SYNE1: variants seen among roughly 807,000 people sequenced by gnomAD.
The protein encoded by SYNE1 is spectrin repeat containing nuclear envelope protein 1.
A neutral mutation model predicts 1,111.0 loss-of-function variants in SYNE1; 616 were observed. The ratio of observed to expected loss-of-function variants is 0.55; its 90% CI spans 0.52 to 0.59. SYNE1 has a LOEUF of 0.59. Among genes scored for constraint, SYNE1 ranks in the 20% least tolerant of loss-of-function variants. The pLI is 0.00. For missense variants in SYNE1, 10,006 were observed against 10,417.0 expected (o/e 0.96, Z 1.72); for synonymous variants, 3,855 against 3,825.8 (o/e 1.01, Z -0.28).
At chr6:152,364,386 G>A (rs1168552230) in intron 63 of SYNE1, among the ~76,000 whole-genome samples, 3 of 150,802 alleles carry the variant, frequency 2.0e-5, no homozygotes, top group Non-Finnish European at 4.4e-5. Context: ...TCCTCTATTT[G>A]TATTTCCTGG....
intron 3 of SYNE1, among the ~76,000 whole-genome samples, chr6:152,614,044 C>G (rs2128823646): frequency 6.6e-6 from 1 of 152,278 alleles, no homozygotes; most frequent in South Asian, 2.1e-4. Context: ...TAGAAGAAAG[C>G]CTAGGCAATA....
chr6:152,193,996 G>A (rs1481184108), intron 127 of SYNE1, among the ~76,000 whole-genome samples: 1 of 134,992 alleles, frequency 7.4e-6, no homozygotes, highest in Admixed American at 7.9e-5. Context: ...CTGGGCAGCA[G>A]AGCAAGACTG....
chr6:152,482,879 A>G (rs1468949064), intron 14 of SYNE1, among the ~76,000 whole-genome samples: 2 of 152,246 alleles, frequency 1.3e-5, no homozygotes, highest in African/African-American at 4.8e-5. Flanking sequence ...TATGGAAAAT[A>G]TCTCAGGAAG....
rs896485945 is a variant in SYNE1 at position 152,369,076 on chromosome 6, C to G, written c.9703G>C (p.Glu3235Gln). The G allele has an allele frequency of 5.6e-6, 9 of 1,614,174 alleles. No homozygotes were observed. Among genetic ancestry groups the G allele is most frequent in the Non-Finnish European group, 7.6e-6 (9 of 1,180,044 alleles). ...CCTTCCCACAGCTGCTGAGCTTTCT[C>G]TTTCAGCCTGTTGAGCTGAGGCTCG... ...CYEPQLNRLKEKAQQLWEGQA... is the reference protein window; with the variant it reads ...CYEPQLNRLKQKAQQLWEGQA... Residue 3235 changes from glutamate (E) to glutamine (Q), a missense_variant, in exon 61 of 146, where the codon GAG becomes CAG. Physicochemically the swap from Glu to Gln is conservative, Grantham distance 29. Coordinates refer to ENST00000367255, the MANE Select transcript of SYNE1 (RefSeq NM_182961.4).
chr6:152,408,955 CAAA>C (rs369206657), intron 44 of SYNE1, 110 bp downstream of exon 44: 2,587 of 880,098 alleles, frequency 2.9e-3, no homozygotes, highest in Non-Finnish European at 3.2e-3. Flanking sequence ...ACTCTGTCTC[CAAA>C]AAAAAAAAAA....
At chr6:152,572,652 C>T (rs572812209) in intron 3 of SYNE1, among the ~76,000 whole-genome samples, 13 of 152,128 alleles carry the variant, frequency 8.5e-5, no homozygotes, top group Admixed American at 4.6e-4. Context: ...TGGAAAGATT[C>T]GTTCCAGAAA....
intron 87 of SYNE1, chr6:152,315,788 T>C (rs2095701783): frequency 6.6e-6 from 1 of 152,126 alleles, no homozygotes. Flanking sequence ...AAGATTGGAG[T>C]TGCTTAAGAA....
chr6:152,177,742 A>C (rs1200232927), intron 129 of SYNE1, among the ~76,000 whole-genome samples: 1 of 152,236 alleles, frequency 6.6e-6, no homozygotes, highest in East Asian at 1.9e-4. Context: ...CAAACATTTG[A>C]GATGATTTTA....
intron 131 of SYNE1, among the ~76,000 whole-genome samples, chr6:152,162,530 A>G (rs1175786846): frequency 6.6e-6 from 1 of 152,198 alleles, no homozygotes; most frequent in Non-Finnish European, 1.5e-5. Flanking sequence ...TCAACTCATC[A>G]CTATAGACAT....
chr6:152,376,887 G>A lies in SYNE1; in HGVS notation c.9035C>T (p.Ala3012Val). ...GQEILDALQKAEPRTEDLKSQ... is the reference protein window; with the variant it reads ...GQEILDALQKVEPRTEDLKSQ... ...CTTGAGATCCTCTGTTCTAGGCTCT[G>A]CTTTTTGCAAAGCATCCAGTATCTC... The change falls in exon 57 of 146, where the codon GCA becomes GTA. Residue 3012 changes from alanine to valine, a missense_variant. Transcript: ENST00000367255. 3 of 1,613,962 alleles carry A rather than the reference G, an allele frequency of 1.9e-6. No individual in the cohort carries two copies. The highest frequency in any genetic ancestry group is 2.5e-6 in the Non-Finnish European group (3 of 1,179,998).
chr6:152,324,662 C>A (rs938424749), intron 81 of SYNE1, among the ~76,000 whole-genome samples: 1 of 151,926 alleles, frequency 6.6e-6, no homozygotes, highest in East Asian at 2.0e-4. Context: ...GGCGTGGTGG[C>A]GGGCGCCTGT....
At chr6:152,315,660 C>A (rs1296897317) in intron 87 of SYNE1, 3 of 152,102 alleles carry the variant, frequency 2.0e-5, no homozygotes, top group African/African-American at 7.2e-5. Context: ...TTCTTCCTCT[C>A]TTTTTTTGCT....
chr6:152,488,140 A>G (rs2154300196), intron 12 of SYNE1, among the ~76,000 whole-genome samples: 1 of 152,246 alleles, frequency 6.6e-6, no homozygotes, highest in Admixed American at 6.5e-5. Flanking sequence ...CAAGTCATCT[A>G]TAAGACTGAG....
chr6:152,284,265 C>T (rs995988245), intron 95 of SYNE1, 93 bp from the exon 96 acceptor site: 2 of 1,303,294 alleles, frequency 1.5e-6, no homozygotes, highest in Non-Finnish European at 2.2e-6. Context: ...TTGGGATTAG[C>T]GGAAGAGATT....
intron 117 of SYNE1, among the ~76,000 whole-genome samples, chr6:152,221,784 T>C (rs1240273610): frequency 6.6e-6 from 1 of 152,212 alleles, no homozygotes; most frequent in East Asian, 1.9e-4. Context: ...AATGAAGCCT[T>C]CTTCTATTGG....
chr6:152,441,949 C>T, intron 31 of SYNE1, 126 bp downstream of exon 31: 1 of 1,162,194 alleles, frequency 8.6e-7, no homozygotes, highest in Non-Finnish European at 1.3e-6. Flanking sequence ...GGTTCATGTA[C>T]AGAATTTAAC....
intron 76 of SYNE1, 151 bp downstream of exon 76, chr6:152,336,690 T>C: frequency 2.0e-6 from 2 of 1,006,412 alleles, no homozygotes; most frequent in South Asian, 1.3e-5. Flanking sequence ...GTCCATAACC[T>C]GGGGCTTGGG....
At chr6:152,598,452 A>G (rs1011573923) in intron 3 of SYNE1, among the ~76,000 whole-genome samples, 3 of 152,242 alleles carry the variant, frequency 2.0e-5, no homozygotes, top group Non-Finnish European at 4.4e-5. Context: ...ACTGACTAAT[A>G]CAGAAACTGA....
intron 54 of SYNE1, 72 bp downstream of exon 54, chr6:152,387,000 A>T (rs948671762): frequency 6.1e-6 from 8 of 1,312,594 alleles, no homozygotes; most frequent in Non-Finnish European, 8.2e-6. Context: ...AACAGTCATT[A>T]TATTATTAAT....
Sources: allele counts gnomAD v4.1 joint callset (sites outside exome capture counted in the v4.1 genomes callset), GRCh38; gene constraint gnomAD v4.1.1; transcripts MANE v1.5; gene names NCBI Gene and HGNC (gene_info 2026-07-23, HGNC 2026-07-21).